ABCB4: variants seen among roughly 807,000 people sequenced by gnomAD.
ABCB4 encodes phosphatidylcholine translocator ABCB4.
ABCB4 carries 76 observed loss-of-function variants against 145.7 expected under a neutral mutation model. That is an observed-to-expected ratio of 0.52 (90% CI 0.43 to 0.63). The LOEUF (loss-of-function observed/expected upper bound fraction) is 0.63, where lower values mean the gene tolerates loss of function less well. Among genes scored for constraint, ABCB4 ranks in the 30% least tolerant of loss-of-function variants. ABCB4 has a pLI of 0.00. For missense variants in ABCB4, 1,234 were observed against 1,553.1 expected, an observed-to-expected ratio of 0.79 and a Z score of 3.45; for synonymous variants, 517 against 566.8, an observed-to-expected ratio of 0.91 and a Z score of 1.25.
chr7:87,415,129 G>A (rs1042508383), intron 21 of ABCB4, among the ~76,000 whole-genome samples: 3 of 152,098 alleles, frequency 2.0e-5, no homozygotes, highest in East Asian at 1.9e-4. Context: ...ACTCCCTTAC[G>A]GGTTAGCTGT....
At chr7:87,402,549 A>G (rs1045139452) in intron 27 of ABCB4, among the ~76,000 whole-genome samples, 4 of 152,162 alleles carry the variant, frequency 2.6e-5, no homozygotes, top group Non-Finnish European at 5.9e-5. Flanking sequence ...AAATTTTCTA[A>G]TCTTCTGTTT....
intron 20 of ABCB4, among the ~76,000 whole-genome samples, chr7:87,417,963 T>C (rs1290710166): frequency 6.6e-6 from 1 of 152,222 alleles, no homozygotes; most frequent in African/African-American, 2.4e-5. Flanking sequence ...TAAGGATGAA[T>C]TAGTGTTGTA....
chr7:87,463,956 C>T (rs1390030862), intron 3 of ABCB4, among the ~76,000 whole-genome samples: 1 of 152,086 alleles, frequency 6.6e-6, no homozygotes, highest in Admixed American at 6.6e-5. Context: ...TTCTTTCCTC[C>T]TCTGCCTTCT....
At chr7:87,457,791 T>C (rs948758501) in intron 4 of ABCB4, among the ~76,000 whole-genome samples, 1 of 152,178 alleles carries the variant, frequency 6.6e-6, no homozygotes, top group Non-Finnish European at 1.5e-5. Flanking sequence ...ATAAGCAGTG[T>C]ATACATTAAG....
chr7:87,412,270 G>A (rs1808676605), intron 22 of ABCB4, among the ~76,000 whole-genome samples: 1 of 152,164 alleles, frequency 6.6e-6, no homozygotes, highest in South Asian at 2.1e-4. Flanking sequence ...GTTCATAGTG[G>A]TTCCTCAAAT....
At chr7:87,454,428 G>A (rs1811975386) in intron 5 of ABCB4, 107 bp downstream of exon 5, 2 of 900,298 alleles carry the variant, frequency 2.2e-6, no homozygotes, top group African/African-American at 1.7e-5. Context: ...ATAATAATAG[G>A]TGAATCTGGG....
At chr7:87,392,318 G>T in the ABCB4 span, among the ~76,000 whole-genome samples, 1 of 151,132 alleles carries the variant, frequency 6.6e-6, no homozygotes, top group African/African-American at 2.5e-5. Context: ...ATACTTGTTA[G>T]TGTCACTTCA....
the ABCB4 span, chr7:87,382,280 T>C: frequency 7.1e-7 from 1 of 1,406,872 alleles, no homozygotes; most frequent in Non-Finnish European, 9.9e-7. Flanking sequence ...CACAAAACAT[T>C]TTAAAATTAT....
intron 16 of ABCB4, among the ~76,000 whole-genome samples, chr7:87,426,136 CTT>C (rs960073655): frequency 2.0e-5 from 3 of 152,084 alleles, no homozygotes; most frequent in African/African-American, 7.2e-5. Context: ...TGGAAAACCT[CTT>C]TGTTTCTTCC....
At chr7:87,475,578 C>G (rs1037172133) in intron 1 of ABCB4, 56 bp downstream of exon 1, 3 of 1,069,840 alleles carry the variant, frequency 2.8e-6, no homozygotes, top group Non-Finnish European at 4.2e-6. Context: ...ACTCCCGCCC[C>G]GCGCCCCACG....
chr7:87,475,650 G>T lies in ABCB4; in HGVS notation c.-23C>A, dbSNP rs1424996622. On this transcript the variant is annotated 5_prime_UTR_variant, in exon 1 of 28. Transcript: ENST00000649586. ...CTCTCTCACCTCGAACCTCGCGCGT[G>T]TCTGGCAGGGCCTCTGGACGCGCGG... The T allele has an allele frequency of 9.2e-6, 6 of 652,352 alleles. No individual in the cohort carries two copies. The highest frequency in any genetic ancestry group is 7.0e-5 in the South Asian group (4 of 57,284). 40.4% of individuals were successfully genotyped at this position (652,352 alleles called of 1,614,324 possible). A position where few individuals can be genotyped will look rare whatever the true frequency, so the allele number is the denominator to read the frequency against.
At chr7:87,454,886 T>C (rs1186215754) in intron 4 of ABCB4, among the ~76,000 whole-genome samples, 4 of 152,120 alleles carry the variant, frequency 2.6e-5, no homozygotes, top group Non-Finnish European at 1.5e-5. Flanking sequence ...AGCAGCCTTC[T>C]AAGGAGGCAC....
At chr7:87,376,395 T>G in the ABCB4 span, among the ~76,000 whole-genome samples, 1 of 152,070 alleles carries the variant, frequency 6.6e-6, no homozygotes, top group Admixed American at 6.6e-5. Flanking sequence ...TATTTTATCA[T>G]TTGGTTAATT....
intron 7 of ABCB4, among the ~76,000 whole-genome samples, chr7:87,451,261 A>G (rs1256391077): frequency 1.3e-5 from 2 of 151,746 alleles, no homozygotes; most frequent in African/African-American, 4.8e-5. Context: ...CAGCCTCCCA[A>G]GTAGCTGGGA....
intron 22 of ABCB4, 60 bp from the exon 23 acceptor site, chr7:87,412,093 T>C: frequency 6.2e-7 from 1 of 1,602,722 alleles, no homozygotes; most frequent in South Asian, 1.1e-5. Flanking sequence ...CGCTGTGTAG[T>C]GGAAAGAGCA....
chr7:87,407,348 G>A (rs958886430), intron 25 of ABCB4, among the ~76,000 whole-genome samples: 1 of 152,150 alleles, frequency 6.6e-6, no homozygotes, highest in African/African-American at 2.4e-5. Context: ...GATTTCCAGA[G>A]AGAAACAACT....
At position 87,468,681 on chromosome 7, in the gene ABCB4, G is replaced by A. The variant is rs1421632479; in HGVS notation, c.135+3940C>T. Among the ~76,000 whole-genome samples the A allele has an allele frequency of 5.3e-5, 8 of 152,080 alleles. No homozygotes were observed. In the East Asian group the frequency reaches 1.2e-3, roughly 22 times the overall value. On this transcript the variant is annotated intron_variant, in intron 3 of 27. Coordinates refer to ENST00000649586, the MANE Select transcript of ABCB4 (RefSeq NM_000443.4). ...GGCGCGGTGGCTCACGCCTATAATC[G>A]CAGCACTTTGGGAGGCTGAGGCGGG...
At chr7:87,421,976 A>G in intron 18 of ABCB4, 145 bp downstream of exon 18, 1 of 658,280 alleles carries the variant, frequency 1.5e-6, no homozygotes, top group Non-Finnish European at 2.7e-6. Flanking sequence ...TCCCCCTGAT[A>G]AGGAGTCTAC....
the ABCB4 span, among the ~76,000 whole-genome samples, chr7:87,385,932 A>T: frequency 6.6e-6 from 1 of 152,202 alleles, no homozygotes; most frequent in Non-Finnish European, 1.5e-5. Context: ...CATCTATTGA[A>T]ATGATTATAG....
Sources: allele counts gnomAD v4.1 joint callset (sites outside exome capture counted in the v4.1 genomes callset), GRCh38; gene constraint gnomAD v4.1.1; transcripts MANE v1.5; gene names NCBI Gene and HGNC (gene_info 2026-07-23, HGNC 2026-07-21).